PRKD1: variants seen among roughly 807,000 people sequenced by gnomAD.
PRKD1 encodes the protein serine/threonine-protein kinase D1.
Under a neutral mutation model 95.9 loss-of-function variants are expected in PRKD1, and 63 were observed. The observed-to-expected ratio is 0.66, with a 90% CI of 0.54 to 0.81. The LOEUF (loss-of-function observed/expected upper bound fraction) is 0.81, where lower values mean the gene tolerates loss of function less well. Ranked by LOEUF, PRKD1 falls within the 30% of genes least tolerant of loss-of-function variation. The pLI, the probability that PRKD1 is intolerant of heterozygous loss-of-function variation, is 0.00. For missense variants in PRKD1, 1,048 were observed against 1,165.3 expected, an observed-to-expected ratio of 0.90 and a Z score of 1.47; for synonymous variants, 425 against 423.1, an observed-to-expected ratio of 1.00 and a Z score of -0.05.
At chr14:29,579,298 C>A (rs767997421) in intron 16 of PRKD1, among the ~76,000 whole-genome samples, 1 of 151,862 alleles carries the variant, frequency 6.6e-6, no homozygotes, top group Non-Finnish European at 1.5e-5. Context: ...TTCCATGTTT[C>A]TCTTTTTGAA....
At chr14:29,581,225 C>CAT (rs1892745277) in intron 16 of PRKD1, among the ~76,000 whole-genome samples, 1 of 152,064 alleles carries the variant, frequency 6.6e-6, no homozygotes. Flanking sequence ...CTCCTGTACA[C>CAT]CTCGATTTTA....
chr14:29,743,849 T>G (rs1353041745), intron 1 of PRKD1, among the ~76,000 whole-genome samples: 1 of 152,194 alleles, frequency 6.6e-6, no homozygotes. Flanking sequence ...AGTGGATCAC[T>G]CCCTCTTTCA....
At chr14:29,839,579 C>A (rs1399344634) in intron 1 of PRKD1, among the ~76,000 whole-genome samples, 1 of 152,074 alleles carries the variant, frequency 6.6e-6, no homozygotes, top group African/African-American at 2.4e-5. Flanking sequence ...CCCAGTAGGG[C>A]TCTGTGTCTC....
intron 17 of PRKD1, 21 bp downstream of exon 17, chr14:29,578,254 A>T: frequency 1.3e-6 from 2 of 1,534,880 alleles, no homozygotes; most frequent in Non-Finnish European, 1.8e-6. Flanking sequence ...CAACTAAGAA[A>T]ACTCAGTGAT....
At chr14:29,925,159 AG>A (rs910429404) in intron 1 of PRKD1, among the ~76,000 whole-genome samples, 1 of 152,174 alleles carries the variant, frequency 6.6e-6, no homozygotes, top group African/African-American at 2.4e-5. Context: ...TAAATACAAA[AG>A]GAAAGGATTC....
intron 16 of PRKD1, among the ~76,000 whole-genome samples, chr14:29,591,759 C>T (rs1283813581): frequency 6.6e-6 from 1 of 152,108 alleles, no homozygotes; most frequent in Non-Finnish European, 1.5e-5. Context: ...AAGCTCCACA[C>T]CCCTGCGACC....
At chr14:29,636,234 G>A (rs1391963214) in intron 7 of PRKD1, 56 bp downstream of exon 7, 4 of 1,591,518 alleles carry the variant, frequency 2.5e-6, no homozygotes, top group Admixed American at 1.7e-5. Flanking sequence ...GAGGTTTAAA[G>A]AGAAAATACT....
intron 1 of PRKD1, among the ~76,000 whole-genome samples, chr14:29,913,886 C>A (rs535129526): frequency 2.6e-5 from 4 of 152,296 alleles, no homozygotes; most frequent in African/African-American, 9.6e-5. Flanking sequence ...ACCTCTAGTA[C>A]AGCTGGAGAT....
chr14:29,827,980 G>A (rs1891263257), intron 1 of PRKD1, among the ~76,000 whole-genome samples: 1 of 151,496 alleles, frequency 6.6e-6, no homozygotes, highest in Non-Finnish European at 1.5e-5. Flanking sequence ...GCCTCCTTTT[G>A]TTTTCTCCTT....
intron 2 of PRKD1, among the ~76,000 whole-genome samples, chr14:29,719,794 C>T (rs1376656989): frequency 6.6e-6 from 1 of 152,144 alleles, no homozygotes; most frequent in East Asian, 1.9e-4. Context: ...CCCCTCTGTG[C>T]AGAGAGACTG....
At chr14:29,890,345 T>C (rs1893895615) in intron 1 of PRKD1, among the ~76,000 whole-genome samples, 1 of 152,198 alleles carries the variant, frequency 6.6e-6, no homozygotes, top group African/African-American at 2.4e-5. Flanking sequence ...AAATAATTTC[T>C]ATCCCCAATT....
intron 1 of PRKD1, among the ~76,000 whole-genome samples, chr14:29,784,676 A>G (rs552353109): frequency 6.6e-6 from 1 of 152,200 alleles, no homozygotes; most frequent in Non-Finnish European, 1.5e-5. Context: ...TTAAGGATAC[A>G]AAAGTTGCCT....
intron 1 of PRKD1, among the ~76,000 whole-genome samples, chr14:29,838,114 C>T (rs1041400783): frequency 2.6e-5 from 4 of 152,014 alleles, no homozygotes; most frequent in African/African-American, 4.8e-5. Flanking sequence ...CTTTGTGAAG[C>T]GAAATGGATT....
chr14:29,621,390 TTCTC>T (rs1174850683), intron 13 of PRKD1, among the ~76,000 whole-genome samples: 1 of 151,730 alleles, frequency 6.6e-6, no homozygotes, highest in Non-Finnish European at 1.5e-5. Context: ...CTCCCTCTCT[TTCTC>T]TCTCTCTCTT....
chr14:29,617,004 C>A (rs768773957), intron 13 of PRKD1, among the ~76,000 whole-genome samples: 10 of 152,098 alleles, frequency 6.6e-5, no homozygotes, highest in South Asian at 2.1e-4. Context: ...TTCTTTGTGT[C>A]CACATGTACT....
chr14:29,656,750 G>A (rs1230251659), intron 4 of PRKD1, among the ~76,000 whole-genome samples: 3 of 152,124 alleles, frequency 2.0e-5, no homozygotes, highest in Non-Finnish European at 4.4e-5. Context: ...AAAAATAATT[G>A]TGAGTCGCTA....
chr14:29,676,190 T>G (rs888388200), intron 2 of PRKD1, among the ~76,000 whole-genome samples: 16 of 123,674 alleles, frequency 1.3e-4, no homozygotes, highest in South Asian at 5.5e-4. Flanking sequence ...TTTGTTTTTT[T>G]TTTTTTTTTT....
intron 1 of PRKD1, among the ~76,000 whole-genome samples, chr14:29,832,390 T>C (rs554105908): frequency 3.3e-4 from 50 of 152,318 alleles, no homozygotes; most frequent in African/African-American, 1.2e-3. Context: ...ATTTCTCCAT[T>C]GACATGTTTG....
intron 2 of PRKD1, among the ~76,000 whole-genome samples, chr14:29,713,672 G>A (rs1210927721): frequency 5.9e-5 from 9 of 152,090 alleles, no homozygotes; most frequent in Non-Finnish European, 1.3e-4. Flanking sequence ...GGTACAAATA[G>A]TCTATATATT....
Sources: gnomAD v4.1 joint callset for allele counts (sites outside exome capture counted in the v4.1 genomes callset) on GRCh38, gnomAD v4.1.1 for gene constraint, MANE v1.5 for transcripts, NCBI Gene and HGNC (gene_info 2026-07-23, HGNC 2026-07-21) for gene names.